The following IYD variants were observed in gnomAD, a reference collection of about 807,000 sequenced individuals.
IYD encodes iodotyrosine deiodinase 1.
IYD carries 25 observed loss-of-function variants against 28.4 expected under a neutral mutation model. The ratio of observed to expected loss-of-function variants is 0.88; its 90% CI spans 0.64 to 1.23. The LOEUF is 1.23. Ranked by LOEUF, IYD falls within the 50% of genes most tolerant of loss-of-function variation. The probability of loss-of-function intolerance (pLI) is 0.00; values close to 1 mark genes in which losing one functional copy is unlikely to be tolerated. For missense variants in IYD, 352 were observed against 357.9 expected (o/e 0.98, Z 0.13); for synonymous variants, 140 against 130.8 (o/e 1.07, Z -0.48).
chr6:150,397,318 C>T (rs1007428794), intron 4 of IYD, among the ~76,000 whole-genome samples: 45 of 152,102 alleles, frequency 3.0e-4, no homozygotes, highest in African/African-American at 1.1e-3. Context: ...CTTGTAATCC[C>T]AGCACTTTGG....
intron 1 of IYD, among the ~76,000 whole-genome samples, chr6:150,375,347 A>G (rs978881515): frequency 2.6e-5 from 4 of 152,156 alleles, no homozygotes; most frequent in African/African-American, 9.7e-5. Context: ...CAGGGAGATG[A>G]AGAAACTGTA....
rs1582806102 is a variant in IYD at position 150,398,122 on chromosome 6, G to T, written c.755G>T (p.Gly252Val). ...NCGPRLRVLL[G>V]RPAHEKLLML... The stretch of plus-strand genomic sequence containing the variant: ...GGCCCTCGACTGAGGGTGCTCCTGG[G>T]CCGCCCCGCACATGAAAAGCTGCTG... The change falls in exon 5 of 5, where the codon GGC (glycine) becomes GTC (valine). Residue 252 changes from glycine (G) to valine (V), a missense_variant. Physicochemically the swap from Gly to Val is moderately radical, Grantham distance 109. Transcript: ENST00000344419. 6.2e-7 allele frequency: 1 copy of T among 1,614,174 alleles called. No individual in the cohort carries two copies. Among genetic ancestry groups the T allele is most frequent in the Non-Finnish European group, 8.5e-7 (1 of 1,180,022 alleles).
rs943090846 is a variant in IYD at position 150,402,409 on chromosome 6, T to C, written c.*4172T>C. On this transcript the variant is annotated 3_prime_UTR_variant, in exon 5 of 5. Transcript: ENST00000344419. Reference sequence around the variant, plus strand: ...AGGTGGAGCAGTGTCGTCAATGTTATCATCCCCCTGCACCTGCAAGGAAGG... The same window carrying C: ...AGGTGGAGCAGTGTCGTCAATGTTACCATCCCCCTGCACCTGCAAGGAAGG... The C allele has an allele frequency of 1.3e-5, 2 of 152,228 alleles. No individual in the cohort carries two copies. The highest frequency in any genetic ancestry group is 2.9e-5 in the Non-Finnish European group (2 of 68,056). The allele number at this position is 152,228 out of a possible 1,614,324, so 9.4% of individuals were successfully genotyped here.
intron 1 of IYD, among the ~76,000 whole-genome samples, chr6:150,386,915 G>A (rs1318116620): frequency 2.0e-5 from 3 of 151,702 alleles, no homozygotes; most frequent in Middle Eastern, 3.4e-3. Flanking sequence ...GGCCTTTATC[G>A]GGAACATTTA....
chr6:150,373,206 A>C (rs1269945697), intron 1 of IYD, among the ~76,000 whole-genome samples: 4 of 152,208 alleles, frequency 2.6e-5, no homozygotes. Flanking sequence ...AAAATTTTTT[A>C]TCCAGTGTGA....
rs1419311708 is a variant in IYD at position 150,395,895 on chromosome 6, G to A, written c.687+1640G>A. The stretch of plus-strand genomic sequence containing the variant: ...GGAGGCTTGGAAAGAGGTCGATGGG[G>A]TACCCCTTGGCCACTGAGTCCCCTA... On this transcript the variant is annotated intron_variant, in intron 4 of 4. Transcript: ENST00000344419. The A allele has an allele frequency of 1.3e-5, 7 of 548,802 alleles. No individual in the cohort carries two copies. In the East Asian group the frequency reaches 1.8e-4, roughly 14 times the overall value. The allele number at this position is 548,802 out of a possible 1,614,324, so 34.0% of individuals were successfully genotyped here.
At chr6:150,369,754 A>T (rs1424423964) in intron 1 of IYD, among the ~76,000 whole-genome samples, 2 of 152,192 alleles carry the variant, frequency 1.3e-5, no homozygotes, top group African/African-American at 4.8e-5. Flanking sequence ...AGGTGTTTAG[A>T]GTAGGCCTGG....
intron 1 of IYD, among the ~76,000 whole-genome samples, chr6:150,385,719 T>C (rs899990379): frequency 6.6e-5 from 10 of 152,016 alleles, no homozygotes; most frequent in African/African-American, 2.4e-4. Context: ...ATAAAATGAG[T>C]TGGAGGGTGT....
chr6:150,396,024 A>G (rs953777333), intron 4 of IYD: 5 of 262,746 alleles, frequency 1.9e-5, no homozygotes, highest in Non-Finnish European at 2.2e-5. Flanking sequence ...AATATAATAT[A>G]CAAGCCTTTA....
In IYD at chr6:150,389,527, T is replaced by C; in HGVS notation, c.354T>C (p.Asn118=). 1 of 1,614,052 alleles carries C rather than the reference T, an allele frequency of 6.2e-7. No individual in the cohort carries two copies. ...NEQVPMEVID[N]VIRTAGTAPS... ...AAGTCCCAATGGAAGTCATTGATAA[T>C]GTCATCAGAACGGCAGGTTTGTAAT... The change falls in exon 2 of 5, where the codon AAT becomes AAC. Residue 118 remains asparagine (N), a synonymous_variant. Transcript: ENST00000344419.
chr6:150,397,935 C>A, intron 4 of IYD, 120 bp from the exon 5 acceptor site: 1 of 1,037,522 alleles, frequency 9.6e-7, no homozygotes. Flanking sequence ...CTTTGCTGCC[C>A]AACTTCAGGG....
chr6:150,380,552 G>A (rs1379983386), intron 1 of IYD, among the ~76,000 whole-genome samples: 1 of 152,054 alleles, frequency 6.6e-6, no homozygotes, highest in African/African-American at 2.4e-5. Context: ...CTAAAAATAA[G>A]ATTTAAAAAA....
At chr6:150,370,218 C>CGTGT (rs1554229272) in intron 1 of IYD, among the ~76,000 whole-genome samples, 25 of 142,280 alleles carry the variant, frequency 1.8e-4, no homozygotes, top group African/African-American at 7.0e-4. Context: ...TGTGTGTGTG[C>CGTGT]GCGTGCGTGT....
chr6:150,393,082 A>G (rs1778184944), intron 3 of IYD, among the ~76,000 whole-genome samples: 1 of 152,206 alleles, frequency 6.6e-6, no homozygotes, highest in African/African-American at 2.4e-5. Flanking sequence ...AGTGGATTAC[A>G]AGTGGCTCCT....
Position 150,389,423 on chromosome 6 carries a change from A to T in IYD, c.250A>T (p.Lys84Ter). Residue 84 changes from lysine (K) to a stop codon, truncating the protein, a stop_gained, in exon 2 of 5, where the codon AAG becomes TAG. Transcript: ENST00000344419. LOFTEE classifies it high-confidence loss of function. ...CTTCTCTCATAACCACTATCCTGAG[A>T]AGGAAATGGTTAAGAGGTCTCAGGA... is the stretch of plus-strand genomic sequence containing the variant. ...IPFSHNHYPE[K>*]EMVKRSQEFY... 1 of 1,613,972 alleles carries T rather than the reference A, an allele frequency of 6.2e-7. No homozygotes were observed. The highest frequency in any genetic ancestry group is 1.1e-5 in the South Asian group (1 of 91,080).
intron 1 of IYD, among the ~76,000 whole-genome samples, chr6:150,388,985 A>G (rs1177774456): frequency 6.6e-6 from 1 of 152,034 alleles, no homozygotes; most frequent in African/African-American, 2.4e-5. Context: ...TATAGGCGTA[A>G]GCCACCACGC....
chr6:150,396,790 C>T lies in IYD; in HGVS notation c.688-1265C>T, dbSNP rs186239199. The T allele has an allele frequency of 7.3e-3, 1,311 of 180,208 alleles. 5 individuals carry two copies. The highest frequency in any genetic ancestry group is 0.011 in the Non-Finnish European group (966 of 87,068). The allele number at this position is 180,208 out of a possible 1,614,324, so 11.2% of individuals were successfully genotyped here. ...TCGGGAGGCTGAGGCAGGAGAATGG[C>T]GTGAACCTGGGAGGCGGAGCTTGCA... On this transcript the variant is annotated intron_variant, in intron 4 of 4. Transcript: ENST00000344419.
At position 150,391,266 on chromosome 6, in the gene IYD, G is replaced by C. The variant is rs146687232; in HGVS notation, c.371-1079G>C. Among the ~76,000 whole-genome samples, 365 of 150,596 alleles carry C rather than the reference G, an allele frequency of 2.4e-3. 2 individuals are homozygous for C. The highest frequency in any genetic ancestry group is 3.9e-3 in the Admixed American group (59 of 15,096). On this transcript the variant is annotated intron_variant, in intron 2 of 4. Coordinates refer to ENST00000344419, the MANE Select transcript of IYD (RefSeq NM_203395.3). ...AAAAAAAAAAAAGAATTCCCCAACT[G>C]TTGTGTGTCCCCAAGGACAAACCTC...
At position 150,403,659 on chromosome 6, in the gene IYD, G is replaced by A. The variant is rs182348451; in HGVS notation, c.*5422G>A. The A allele has an allele frequency of 9.8e-5, 15 of 152,352 alleles. No homozygotes were observed. The East Asian group carries it at 2.5e-3, about 25-fold the overall frequency. The allele number at this position is 152,352 out of a possible 1,614,324, so 9.4% of individuals were successfully genotyped here. ...GCCCCCAAAGCTAAGATCCTGCCAAGCTAAATACAGTAGTTCTAATGAAAT... is the reference window on the plus strand; with the variant it reads ...GCCCCCAAAGCTAAGATCCTGCCAAACTAAATACAGTAGTTCTAATGAAAT... On this transcript the variant is annotated 3_prime_UTR_variant, in exon 5 of 5. Transcript: ENST00000344419.
Sources: allele counts gnomAD v4.1 joint callset (sites outside exome capture counted in the v4.1 genomes callset), GRCh38; gene constraint gnomAD v4.1.1; transcripts MANE v1.5; gene names NCBI Gene and HGNC (gene_info 2026-07-23, HGNC 2026-07-21).